NPEPL1: variants seen among roughly 807,000 people sequenced by gnomAD.
NPEPL1 encodes the protein probable aminopeptidase NPEPL1.
A neutral mutation model predicts 52.4 loss-of-function variants in NPEPL1; 45 were observed. That is an observed-to-expected ratio of 0.86 (90% CI 0.68 to 1.10). The LOEUF (loss-of-function observed/expected upper bound fraction) is 1.10. Ranked by LOEUF, NPEPL1 falls within the 50% of genes least tolerant of loss-of-function variation. The probability of loss-of-function intolerance (pLI) is 0.00; values close to 1 mark genes in which losing one functional copy is unlikely to be tolerated. For missense variants in NPEPL1, 696 were observed against 710.9 expected (o/e 0.98, Z 0.24); for synonymous variants, 360 against 314.7 (o/e 1.14, Z -1.52).
upstream of NPEPL1, chr20:58,691,101 AGG>A: frequency 1.4e-6 from 1 of 703,256 alleles, no homozygotes; most frequent in Non-Finnish European, 2.6e-6. Context: ...TACATCTGTC[AGG>A]GCATGGCCTT....
intron 3 of NPEPL1, 105 bp from the exon 4 acceptor site, chr20:58,698,579 C>T: frequency 2.2e-6 from 2 of 889,854 alleles, no homozygotes; most frequent in Non-Finnish European, 3.6e-6. Context: ...TGTCAGTAGC[C>T]CTGTGGGTGA....
chr20:58,715,041 A>G, intron 11 of NPEPL1, 127 bp from the exon 12 acceptor site: 1 of 1,090,430 alleles, frequency 9.2e-7, no homozygotes, highest in Non-Finnish European at 1.3e-6. Context: ...GCTGGTGCTC[A>G]GGATCTCCTT....
rs2084385391 is a variant in NPEPL1 at position 58,692,969 on chromosome 20, G to A, written c.69G>A (p.Leu23=). ...CGGACCCACAGAGCCGGCCCCTGCT[G>A]CTGCTCGGGCAGCTGCACCACCTGC... The part of the protein sequence containing the change: ...GDSDPQSRPL[L]LLGQLHHLHR... The change falls in exon 1 of 12, where the codon CTG becomes CTA. Residue 23 remains leucine, a synonymous_variant. Coordinates refer to ENST00000356091, the MANE Select transcript of NPEPL1 (RefSeq NM_024663.4). This position sits in a 1 kb window ranked among gnomAD's most constrained non-coding sequence, Gnocchi z 5.7. The A allele has an allele frequency of 5.9e-6, 7 of 1,191,876 alleles. No homozygotes were observed. The highest frequency in any genetic ancestry group is 7.4e-6 in the Non-Finnish European group (7 of 942,476). 73.8% of individuals were successfully genotyped at this position (1,191,876 alleles called of 1,614,324 possible). A position where few individuals can be genotyped will look rare whatever the true frequency, so the allele number is the denominator to read the frequency against.
upstream of NPEPL1, chr20:58,692,064 C>T (rs1404138301): frequency 7.0e-6 from 4 of 573,716 alleles, no homozygotes; most frequent in African/African-American, 1.9e-5. The surrounding 1 kb of genome is among the most constrained non-coding windows in gnomAD (Gnocchi z 5.7). Context: ...CGTCTCATCT[C>T]GTCCCTCCTT....
chr20:58,704,272 C>T (rs916746089), intron 6 of NPEPL1: 1 of 976,570 alleles, frequency 1.0e-6, no homozygotes, highest in Admixed American at 6.5e-5. Flanking sequence ...GCCAGCCCAG[C>T]TCCCAGTTTT....
In NPEPL1 at chr20:58,713,175, CA is replaced by C. The variant is rs1441889065; in HGVS notation, c.1002-242del. On this transcript the variant is annotated intron_variant, in intron 8 of 11. Transcript: ENST00000356091. This position sits in a 1 kb window ranked among gnomAD's most constrained non-coding sequence, Gnocchi z 4.6. ...AGAAGAAACTGAGGCATGGGAGAGC[CA>C]AATGGCTGGTCTCTGGCTCTCCAGA... The C allele has an allele frequency of 1.0e-5, 5 of 489,802 alleles. No homozygotes were observed. The highest frequency in any genetic ancestry group is 7.7e-5 in the African/African-American group (4 of 52,090). The allele number at this position is 489,802 out of a possible 1,614,324, so 30.3% of individuals were successfully genotyped here.
At position 58,703,548 on chromosome 20, in the gene NPEPL1, G is replaced by T. The variant is rs1324042721; in HGVS notation, c.822+2390G>T. ...AGAGTCGTGGACCCTCTTCTCCTTG[G>T]ATCAGATGCTTGTTTTTGATGTCGG... On this transcript the variant is annotated intron_variant, in intron 6 of 11. Transcript: ENST00000356091. The T allele has an allele frequency of 1.0e-5, 10 of 985,124 alleles. No individual in the cohort carries two copies. The Admixed American group carries it at 6.2e-4, about 61-fold the overall frequency. The allele number at this position is 985,124 out of a possible 1,614,324, so 61.0% of individuals were successfully genotyped here.
chr20:58,692,410 G>A (rs942192655), upstream of NPEPL1, among the ~76,000 whole-genome samples: 2 of 152,212 alleles, frequency 1.3e-5, no homozygotes, highest in African/African-American at 4.8e-5. The surrounding 1 kb of genome is among the most constrained non-coding windows in gnomAD (Gnocchi z 5.7). Flanking sequence ...GGGTCCCTGG[G>A]GATCAAAAGC....
In NPEPL1 at chr20:58,713,426, G is replaced by A; in HGVS notation, c.1008G>A (p.Val336=). 2 of 1,606,428 alleles carry A rather than the reference G, an allele frequency of 1.2e-6. No individual in the cohort carries two copies. The highest frequency in any genetic ancestry group is 2.2e-5 in the East Asian group (1 of 44,580). ...GATCTCTACCATGCCCCAGGACGGT[G>A]GAAATCAACAACACGGATGCCGAGG... ...DIHLLYSGKT[V]EINNTDAEGR... Residue 336 remains valine (V), a synonymous_variant, in exon 9 of 12, where the codon GTG becomes GTA. Transcript: ENST00000356091. The surrounding 1 kb of genome is among the most constrained non-coding windows in gnomAD (Gnocchi z 4.6).
Position 58,711,111 on chromosome 20 carries a change from C to G in NPEPL1, c.901-1368C>G, listed in dbSNP as rs866873519. The stretch of plus-strand genomic sequence containing the variant: ...CCTCCTCTCCTCCTCCTCCTCCCCC[C>G]CTCCTCCCCCTCTCCTCCTCCTCCC... On this transcript the variant is annotated intron_variant, in intron 7 of 11. Transcript: ENST00000356091. 14 of 83,170 alleles carry G rather than the reference C, an allele frequency of 1.7e-4. No homozygotes were observed. The East Asian group carries it at 2.1e-3, about 12-fold the overall frequency. 5.2% of individuals were successfully genotyped at this position (83,170 alleles called of 1,614,324 possible). A position where few individuals can be genotyped will look rare whatever the true frequency, so the allele number is the denominator to read the frequency against.
chr20:58,695,634 C>A (rs996516071), intron 3 of NPEPL1, among the ~76,000 whole-genome samples: 1 of 152,234 alleles, frequency 6.6e-6, no homozygotes, highest in African/African-American at 2.4e-5. Context: ...AGCTCTCCCA[C>A]ATCAGCACTT....
intron 3 of NPEPL1, 48 bp from the exon 4 acceptor site, chr20:58,698,636 A>G: frequency 1.4e-6 from 2 of 1,464,136 alleles, no homozygotes; most frequent in Non-Finnish European, 1.9e-6. Flanking sequence ...ACAAGGGGAG[A>G]ACATCTGCCT....
At chr20:58,698,396 G>T (rs1456315215) in intron 3 of NPEPL1, among the ~76,000 whole-genome samples, 1 of 152,160 alleles carries the variant, frequency 6.6e-6, no homozygotes, top group African/African-American at 2.4e-5. Context: ...GCTTGGAAAA[G>T]ATCCAGATAC....
chr20:58,712,439 A>G, intron 7 of NPEPL1, 40 bp from the exon 8 acceptor site: 2 of 1,399,754 alleles, frequency 1.4e-6, no homozygotes, highest in African/African-American at 1.4e-5. Flanking sequence ...CCCCAAACCT[A>G]TGACCTACAA....
intron 7 of NPEPL1, chr20:58,710,663 C>T (rs536179397): frequency 6.6e-6 from 1 of 152,612 alleles, no homozygotes; most frequent in Admixed American, 6.5e-5. Flanking sequence ...ACCAGCAAGT[C>T]CCAACTGTGC....
At chr20:58,696,869 CG>C (rs147877495) in intron 3 of NPEPL1, among the ~76,000 whole-genome samples, 4,471 of 152,346 alleles carry the variant, frequency 0.029, 82 homozygotes, top group Middle Eastern at 0.065. Context: ...AGTGGCTCAC[CG>C]GGGCCACGGC....
intron 7 of NPEPL1, among the ~76,000 whole-genome samples, chr20:58,710,013 G>A (rs2084804249): frequency 1.4e-5 from 2 of 147,946 alleles, no homozygotes; most frequent in Non-Finnish European, 3.0e-5. Flanking sequence ...GGTGAAGGGT[G>A]TTGAGGAATT....
chr20:58,714,630 G>T lies in NPEPL1; in HGVS notation c.1373G>T (p.Gly458Val). The change falls in exon 11 of 12, where the codon GGA (glycine) becomes GTA (valine). Residue 458 changes from glycine to valine, a missense_variant. By Grantham distance (109) the Gly-to-Val change is moderately radical (BLOSUM62 -3). Coordinates refer to ENST00000356091, the MANE Select transcript of NPEPL1 (RefSeq NM_024663.4). ...TCACACATCGGCTTCGACTGGCCCGGAGTCTGGGTCCACCTGGACATTGCT... is the reference window on the plus strand; with the variant it reads ...TCACACATCGGCTTCGACTGGCCCGTAGTCTGGGTCCACCTGGACATTGCT... ...IASHIGFDWP[G>V]VWVHLDIAAP... 6.3e-7 allele frequency: 1 copy of T among 1,596,562 alleles called. No homozygotes were observed. Among genetic ancestry groups the T allele is most frequent in the East Asian group, 2.3e-5 (1 of 44,112 alleles).
Position 58,705,531 on chromosome 20 carries a change from C to T in NPEPL1, c.823-1592C>T, listed in dbSNP as rs1420945951. The T allele has an allele frequency of 1.1e-5, 5 of 456,278 alleles. No homozygotes were observed. The Admixed American group carries it at 1.2e-4, about 11-fold the overall frequency. The allele number at this position is 456,278 out of a possible 1,614,324, so 28.3% of individuals were successfully genotyped here. A position where few individuals can be genotyped will look rare whatever the true frequency, so the allele number is the denominator to read the frequency against. The stretch of plus-strand genomic sequence containing the variant: ...GAAACGAATACAGTGGCTCCCGGAC[C>T]TCTTTGGGACTGTGGCCTGATACTC... On this transcript the variant is annotated intron_variant, in intron 6 of 11. Transcript: ENST00000356091.
Sources: allele counts gnomAD v4.1 joint callset (sites outside exome capture counted in the v4.1 genomes callset), GRCh38; gene constraint gnomAD v4.1.1; non-coding constraint Gnocchi (gnomAD v3.1); transcripts MANE v1.5; gene names NCBI Gene and HGNC (gene_info 2026-07-23, HGNC 2026-07-21).